The following ACLY variants were observed in gnomAD, a reference collection of about 807,000 sequenced individuals.
ACLY encodes ATP-citrate synthase.
Under a neutral mutation model 133.0 loss-of-function variants are expected in ACLY, and 41 were observed. The observed-to-expected ratio is 0.31, with a 90% CI of 0.24 to 0.40. The LOEUF is 0.40. ACLY is among the 10% of genes least tolerant of loss of function. The pLI, the probability that ACLY is intolerant of heterozygous loss-of-function variation, is 1.00. For synonymous variants in ACLY, 495 were observed against 549.3 expected (o/e 0.90, Z 1.38); for missense variants, 1,046 against 1,453.8 (o/e 0.72, Z 4.56).
chr17:41,900,607 C>T (rs1363096904), intron 11 of ACLY, among the ~76,000 whole-genome samples: 1 of 151,716 alleles, frequency 6.6e-6, no homozygotes, highest in Non-Finnish European at 1.5e-5. Context: ...CACCCGTGGT[C>T]CCCAATACTT....
intron 1 of ACLY, among the ~76,000 whole-genome samples, chr17:41,916,988 C>A (rs959483460): frequency 6.6e-6 from 1 of 151,528 alleles, no homozygotes; most frequent in Non-Finnish European, 1.5e-5. Flanking sequence ...ACTAAAAATA[C>A]AAAAATTAGC....
chr17:41,908,593 C>T (rs1452464451), intron 6 of ACLY, among the ~76,000 whole-genome samples: 5 of 152,088 alleles, frequency 3.3e-5, no homozygotes, highest in African/African-American at 1.2e-4. Flanking sequence ...GGTGAAACCC[C>T]GTCTCTACTA....
At chr17:41,909,764 T>C (rs2049842085) in intron 4 of ACLY, 64 bp from the exon 5 acceptor site, 3 of 1,465,876 alleles carry the variant, frequency 2.0e-6, no homozygotes, top group Admixed American at 1.9e-5. Flanking sequence ...TGAGGGGCGC[T>C]GAACTGGGGA....
Position 41,927,729 on chromosome 17 carries a change from G to A in ACLY, c.-28+2629C>T, listed in dbSNP as rs1338598379. Among the ~76,000 whole-genome samples, 3 of 151,968 alleles carry A rather than the reference G, an allele frequency of 2.0e-5. No homozygotes were observed. In the East Asian group the frequency reaches 5.8e-4, roughly 29 times the overall value. ...TAGTCCCTGCTACTTGGGAGGCGGA[G>A]GCAGAAGAATCACTTGAACCTGGGA... On this transcript the variant is annotated intron_variant, in intron 1 of 3. Coordinates refer to the ACLY transcript ENST00000592970.
chr17:41,920,732 G>GC (rs1567920216), upstream of ACLY, among the ~76,000 whole-genome samples: 1 of 151,772 alleles, frequency 6.6e-6, no homozygotes, highest in African/African-American at 2.4e-5. Context: ...CATGGTAAGA[G>GC]CCCCCACCAC....
At chr17:41,918,790 C>G in intron 1 of ACLY, 90 bp downstream of exon 1, 1 of 1,256,076 alleles carries the variant, frequency 8.0e-7, no homozygotes, top group South Asian at 1.3e-5. Flanking sequence ...GAGCCCGCGT[C>G]GGGGAAGGCG....
chr17:41,895,530 G>A (rs543736594), intron 14 of ACLY, among the ~76,000 whole-genome samples: 290 of 152,234 alleles, frequency 1.9e-3, no homozygotes, highest in African/African-American at 6.8e-3. Flanking sequence ...CCTCGCTGAG[G>A]GGAGGGCTCG....
chr17:41,923,536 GGTGA>G (rs1453954217), upstream of ACLY, among the ~76,000 whole-genome samples: 1 of 152,200 alleles, frequency 6.6e-6, no homozygotes, highest in Non-Finnish European at 1.5e-5. Flanking sequence ...ACCTGCTGCA[GGTGA>G]GTAAGAGGGA....
At chr17:41,867,971 G>A (rs2048505374) in intron 28 of ACLY, 67 bp from the exon 29 acceptor site, 2 of 1,184,568 alleles carry the variant, frequency 1.7e-6, no homozygotes, top group African/African-American at 3.1e-5. Context: ...AGAGGCTAAG[G>A]AAGGGAAATC....
chr17:41,907,344 T>A, intron 7 of ACLY, 98 bp downstream of exon 7: 11 of 803,180 alleles, frequency 1.4e-5, no homozygotes, highest in South Asian at 2.0e-5. Context: ...CCCTGCCAAA[T>A]AAACAGCTCA....
intron 1 of ACLY, among the ~76,000 whole-genome samples, chr17:41,917,617 G>C (rs1019411132): frequency 2.0e-5 from 3 of 152,120 alleles, no homozygotes; most frequent in Admixed American, 6.5e-5. Flanking sequence ...TCATTTGAAG[G>C]TTAGTATCTG....
chr17:41,912,474 G>A lies in ACLY; in HGVS notation c.228C>T (p.Leu76=). The change falls in exon 3 of 29, where the codon CTC becomes CTT. Residue 76 remains leucine (L), a synonymous_variant. Coordinates refer to ENST00000352035, the MANE Select transcript of ACLY (RefSeq NM_001096.3). ...GCCAGGACTTGACCCCATCCAGAGT[G>A]AGGTTGACCCCAACGAGACCAAGTT... The part of the protein sequence containing the change: ...RGKLGLVGVN[L]TLDGVKSWLK... 1 of 1,614,234 alleles carries A rather than the reference G, an allele frequency of 6.2e-7. No individual in the cohort carries two copies.
chr17:41,903,649 GGAGGACT>G (rs1413196038), intron 10 of ACLY, among the ~76,000 whole-genome samples: 1 of 148,740 alleles, frequency 6.7e-6, no homozygotes, highest in African/African-American at 2.5e-5. Context: ...CCAGCTACTT[GGAGGACT>G]GAGGCAGGAG....
chr17:41,921,589 C>A (rs1218382011), upstream of ACLY, among the ~76,000 whole-genome samples: 1 of 152,120 alleles, frequency 6.6e-6, no homozygotes, highest in Non-Finnish European at 1.5e-5. Flanking sequence ...AATCCCATCA[C>A]TTTGAGAGGC....
chr17:41,878,209 A>G lies in ACLY; in HGVS notation c.2394-13T>C, dbSNP rs782118069. The stretch of plus-strand genomic sequence containing the variant: ...TTCGTATACAGACCTGGGAGGCAGG[A>G]AAAAAAAGACATCCATGTGGATTTT... On this transcript the variant is annotated splice_polypyrimidine_tract_variant and intron_variant, in intron 21 of 28. Coordinates refer to ENST00000352035, the MANE Select transcript of ACLY (RefSeq NM_001096.3). The G allele has an allele frequency of 1.2e-5, 18 of 1,523,266 alleles. No homozygotes were observed. The highest frequency in any genetic ancestry group is 1.5e-5 in the Non-Finnish European group (17 of 1,132,994). 94.4% of individuals were successfully genotyped at this position (1,523,266 alleles called of 1,614,324 possible).
At chr17:41,926,339 C>T (rs1453168999) in intron 1 of ACLY, among the ~76,000 whole-genome samples, 1 of 152,186 alleles carries the variant, frequency 6.6e-6, no homozygotes, top group Non-Finnish European at 1.5e-5. Flanking sequence ...CTGGAGCAAA[C>T]CTTGTCATTT....
intron 1 of ACLY, among the ~76,000 whole-genome samples, chr17:41,925,857 T>G (rs868920219): frequency 5.9e-5 from 9 of 152,028 alleles, no homozygotes; most frequent in Non-Finnish European, 1.2e-4. Flanking sequence ...GTACTTTTTT[T>G]TTTTTGAGAG....
At chr17:41,887,127 G>GAAAAAAAAAAAAAAA (rs535668437) in intron 17 of ACLY, among the ~76,000 whole-genome samples, 1 of 110,412 alleles carries the variant, frequency 9.1e-6, no homozygotes, top group Non-Finnish European at 1.8e-5. Flanking sequence ...CCGTCTCAAA[G>GAAAAAAAAAAAAAAA]AAAAAAAAAA....
chr17:41,919,022 C>G (rs1555635045), upstream of ACLY: 1 of 1,284,626 alleles, frequency 7.8e-7, no homozygotes, highest in Non-Finnish European at 1.0e-6. Flanking sequence ...CATCGGCTCG[C>G]GGCGAGAACG....
Sources: gnomAD v4.1 joint callset for allele counts (sites outside exome capture counted in the v4.1 genomes callset) on GRCh38, gnomAD v4.1.1 for gene constraint, MANE v1.5 for transcripts, NCBI Gene and HGNC (gene_info 2026-07-23, HGNC 2026-07-21) for gene names.